CCDC61: variants seen among roughly 807,000 people sequenced by gnomAD.
CCDC61 encodes centrosomal protein CCDC61.
A neutral mutation model predicts 63.0 loss-of-function variants in CCDC61; 55 were observed. The observed-to-expected ratio is 0.87, with a 90% confidence interval of 0.70 to 1.09. CCDC61 has a LOEUF of 1.09. Ranked by LOEUF, CCDC61 falls within the 50% of genes least tolerant of loss-of-function variation. The pLI is 0.00. For missense variants in CCDC61, 651 were observed against 731.4 expected, an observed-to-expected ratio of 0.89 and a Z score of 1.27; for synonymous variants, 270 against 317.0, an observed-to-expected ratio of 0.85 and a Z score of 1.58.
intron 5 of CCDC61, among the ~76,000 whole-genome samples, chr19:46,013,389 T>C (rs1968865162): frequency 6.6e-6 from 1 of 152,012 alleles, no homozygotes; most frequent in Non-Finnish European, 1.5e-5. Context: ...ACTCTTGGGC[T>C]CAAGGTATCT....
At position 46,003,399 on chromosome 19, in the gene CCDC61, A is replaced by T; in HGVS notation, c.149-20A>T. The T allele has an allele frequency of 6.2e-7, 1 of 1,609,944 alleles. No individual in the cohort carries two copies. Among genetic ancestry groups the T allele is most frequent in the Admixed American group, 1.7e-5 (1 of 59,822 alleles). On this transcript the variant is annotated intron_variant, in intron 2 of 13. Coordinates refer to ENST00000595358, the MANE Select transcript of CCDC61 (RefSeq NM_001267723.2). ...TGGGCAAGCGGTCAGACCTCAGGAG[A>T]GACTTTTCTCCCCACCCAGTCATTG...
chr19:46,007,298 C>T (rs766096919), intron 4 of CCDC61, among the ~76,000 whole-genome samples: 5 of 152,164 alleles, frequency 3.3e-5, no homozygotes, highest in Non-Finnish European at 7.3e-5. Context: ...ATCCTCCTGC[C>T]TCAGCCTCTC....
At position 46,016,664 on chromosome 19, in the gene CCDC61, C is replaced by G. The variant is rs1968942914; in HGVS notation, c.1092-30C>G. On this transcript the variant is annotated intron_variant, in intron 9 of 13. Coordinates refer to ENST00000595358, the MANE Select transcript of CCDC61 (RefSeq NM_001267723.2). This position sits in a 1 kb window ranked among gnomAD's most constrained non-coding sequence, Gnocchi z 7.2. ...CCCTTGCCTGCAGGAGTTGGGCGTA[C>G]AGACCGGCGTCTCCTTTCTTTTTTC... 1.2e-6 allele frequency: 2 copies of G among 1,610,034 alleles called. No homozygotes were observed. The highest frequency in any genetic ancestry group is 1.1e-5 in the South Asian group (1 of 90,250).
Position 46,006,652 on chromosome 19 carries a change from C to T in CCDC61, c.325C>T (p.Pro109Ser), listed in dbSNP as rs1302460975. 2.5e-6 allele frequency: 4 copies of T among 1,613,704 alleles called. No individual in the cohort carries two copies. The highest frequency in any genetic ancestry group is 2.7e-5 in the African/African-American group (2 of 74,952). Residue 109 changes from proline (P) to serine (S), a missense_variant, in exon 4 of 14, where the codon CCC becomes TCC. Coordinates refer to ENST00000595358, the MANE Select transcript of CCDC61 (RefSeq NM_001267723.2). Reference sequence around the variant, plus strand: ...GGGGGGCCGCCCAGGCTCCTTGGCCCCCAGGTCGGCCCAGCTCAACTCCAA... The same window carrying T: ...GGGGGGCCGCCCAGGCTCCTTGGCCTCCAGGTCGGCCCAGCTCAACTCCAA... ...KMGGRPGSLAPRSAQLNSKRY... is the reference protein window; with the variant it reads ...KMGGRPGSLASRSAQLNSKRY...
chr19:46,003,505 G>T lies in CCDC61; in HGVS notation c.231+4G>T. The stretch of plus-strand genomic sequence containing the variant: ...GCTGGAGTCAGCCCTCACTCAGGTA[G>T]GGCCCGGGTTGGCGGGTTGGGGTGG... On this transcript the variant is annotated splice_donor_region_variant and intron_variant, in intron 3 of 13. Transcript: ENST00000595358. 1 of 1,609,464 alleles carries T rather than the reference G, an allele frequency of 6.2e-7. No individual in the cohort carries two copies. The highest frequency in any genetic ancestry group is 8.5e-7 in the Non-Finnish European group (1 of 1,177,036).
At chr19:46,006,039 A>G (rs767259403) in intron 3 of CCDC61, among the ~76,000 whole-genome samples, 4 of 152,034 alleles carry the variant, frequency 2.6e-5, no homozygotes, top group South Asian at 2.1e-4. Context: ...CCTGTGTTTT[A>G]TGGTTGATTT....
At chr19:46,005,154 G>T (rs1968680790) in intron 3 of CCDC61, among the ~76,000 whole-genome samples, 1 of 152,064 alleles carries the variant, frequency 6.6e-6, no homozygotes, top group South Asian at 2.1e-4. Context: ...GGAATTACAG[G>T]CATGCGCCAT....
chr19:46,013,367 GGCA>G (rs1356351171), intron 5 of CCDC61, among the ~76,000 whole-genome samples: 1 of 151,912 alleles, frequency 6.6e-6, no homozygotes, highest in Admixed American at 6.6e-5. Flanking sequence ...TTGTTGCCCA[GGCA>G]TGTCTCAAAC....
chr19:46,017,627 T>A (rs950991586), intron 12 of CCDC61, among the ~76,000 whole-genome samples: 2 of 152,130 alleles, frequency 1.3e-5, no homozygotes, highest in Non-Finnish European at 2.9e-5. Context: ...CTGGAACTCC[T>A]GGCCTCAAGC....
chr19:46,005,481 T>C (rs912489664), intron 3 of CCDC61, among the ~76,000 whole-genome samples: 1 of 152,202 alleles, frequency 6.6e-6, no homozygotes, highest in Admixed American at 6.5e-5. Flanking sequence ...TTGGAAAATA[T>C]TGGTTCACTA....
At position 46,016,188 on chromosome 19, in the gene CCDC61, G is replaced by A. The variant is rs1366697944; in HGVS notation, c.980G>A (p.Arg327Gln). 7.5e-7 allele frequency: 1 copy of A among 1,324,748 alleles called. No individual in the cohort carries two copies. Among genetic ancestry groups the A allele is most frequent in the Non-Finnish European group, 9.6e-7 (1 of 1,038,904 alleles). The allele number at this position is 1,324,748 out of a possible 1,614,324, so 82.1% of individuals were successfully genotyped here. A position where few individuals can be genotyped will look rare whatever the true frequency, so the allele number is the denominator to read the frequency against. ...SRESGRGSRGRGRPARPSPSP... is the reference protein window; with the variant it reads ...SRESGRGSRGQGRPARPSPSP... ...GAGAGCGGCCGCGGGAGCCGGGGTC[G>A]GGGCCGCCCTGCGCGCCCCTCGCCC... is the stretch of plus-strand genomic sequence containing the variant. The change falls in exon 8 of 14, where the codon CGG (arginine) becomes CAG (glutamine). Residue 327 changes from arginine to glutamine, a missense_variant. Arg to Gln is a conservative substitution (Grantham distance 43). Coordinates refer to ENST00000595358, the MANE Select transcript of CCDC61 (RefSeq NM_001267723.2). The surrounding 1 kb of genome is among the most constrained non-coding windows in gnomAD (Gnocchi z 7.2).
intron 1 of CCDC61, among the ~76,000 whole-genome samples, chr19:45,996,661 A>G (rs529563112): frequency 2.0e-5 from 3 of 152,092 alleles, no homozygotes; most frequent in Admixed American, 2.0e-4. Context: ...CAGCCTCCCA[A>G]AGTGTTGGGA....
rs899489131 is a variant in CCDC61 at position 46,015,963 on chromosome 19, G to C, written c.846-91G>C. The C allele has an allele frequency of 1.8e-6, 2 of 1,125,624 alleles. No individual in the cohort carries two copies. The highest frequency in any genetic ancestry group is 4.3e-5 in the Admixed American group (1 of 23,326). 69.7% of individuals were successfully genotyped at this position (1,125,624 alleles called of 1,614,324 possible). A position where few individuals can be genotyped will look rare whatever the true frequency, so the allele number is the denominator to read the frequency against. On this transcript the variant is annotated intron_variant, in intron 7 of 13. Transcript: ENST00000595358. This position sits in a 1 kb window ranked among gnomAD's most constrained non-coding sequence, Gnocchi z 5.3. ...GTCTAGGAGTTGATGGGGTAGGCCT[G>C]AGGGTTCGGAGAAGGTGCGGTCGGG...
At chr19:45,999,185 G>A (rs574419798) in intron 1 of CCDC61, among the ~76,000 whole-genome samples, 44 of 152,288 alleles carry the variant, frequency 2.9e-4, no homozygotes, top group East Asian at 1.9e-3. Context: ...GTGGGAGAGG[G>A]AGTTGATGCC....
chr19:46,010,817 T>C (rs574885514), intron 5 of CCDC61, among the ~76,000 whole-genome samples: 1 of 152,310 alleles, frequency 6.6e-6, no homozygotes, highest in Admixed American at 6.5e-5. Context: ...AGTCTTCGTG[T>C]CTCCTCTGTA....
chr19:46,014,055 T>A (rs1968878607), intron 5 of CCDC61, among the ~76,000 whole-genome samples: 1 of 152,142 alleles, frequency 6.6e-6, no homozygotes, highest in South Asian at 2.1e-4. Flanking sequence ...ATTTAATTAA[T>A]TAATTTGTAT....
Position 46,016,521 on chromosome 19 carries a change from C to T in CCDC61, c.1091+128C>T, listed in dbSNP as rs541532532. On this transcript the variant is annotated intron_variant, in intron 9 of 13. Transcript: ENST00000595358. The surrounding 1 kb of genome is among the most constrained non-coding windows in gnomAD (Gnocchi z 7.2). ...GCTCGCTTCTCGCCGGATACCCCGCCTGCTCTCCCTTCCGTCCGTCCTACC... is the reference window on the plus strand; with the variant it reads ...GCTCGCTTCTCGCCGGATACCCCGCTTGCTCTCCCTTCCGTCCGTCCTACC... 3.7e-5 allele frequency: 51 copies of T among 1,372,192 alleles called. No individual in the cohort carries two copies. In the Admixed American group the frequency reaches 8.1e-4, roughly 22 times the overall value. 85.0% of individuals were successfully genotyped at this position (1,372,192 alleles called of 1,614,324 possible).
At chr19:46,004,784 G>T (rs1235726907) in intron 3 of CCDC61, among the ~76,000 whole-genome samples, 1 of 151,286 alleles carries the variant, frequency 6.6e-6, no homozygotes, top group African/African-American at 2.4e-5. Context: ...TAATCAGGGG[G>T]AAGAAGCAGG....
chr19:46,016,471 C>T lies in CCDC61; in HGVS notation c.1091+78C>T, dbSNP rs1968938996. On this transcript the variant is annotated intron_variant, in intron 9 of 13. Transcript: ENST00000595358. The surrounding 1 kb of genome is among the most constrained non-coding windows in gnomAD (Gnocchi z 7.2). ...CCGGGCTCTCATCTCTCCACGCCAC[C>T]ATCAGTCTCCATCCCCTGCCACCTG... 6.6e-7 allele frequency: 1 copy of T among 1,518,736 alleles called. No homozygotes were observed. Among genetic ancestry groups the T allele is most frequent in the Admixed American group, 1.7e-5 (1 of 57,572 alleles). The allele number at this position is 1,518,736 out of a possible 1,614,324, so 94.1% of individuals were successfully genotyped here.
Sources: allele counts gnomAD v4.1 joint callset (sites outside exome capture counted in the v4.1 genomes callset), GRCh38; gene constraint gnomAD v4.1.1; non-coding constraint Gnocchi (gnomAD v3.1); transcripts MANE v1.5; gene names NCBI Gene and HGNC (gene_info 2026-07-23, HGNC 2026-07-21).